The following FCGRT variants were observed in gnomAD, a reference collection of about 807,000 sequenced individuals.
FCGRT encodes the protein IgG receptor FcRn large subunit p51.
A neutral mutation model predicts 35.7 loss-of-function variants in FCGRT; 13 were observed. The ratio of observed to expected loss-of-function variants is 0.36; its 90% CI spans 0.24 to 0.58. The LOEUF (loss-of-function observed/expected upper bound fraction) is 0.58. Among genes scored for constraint, FCGRT ranks in the 20% least tolerant of loss-of-function variants. FCGRT has a pLI of 0.77. For synonymous variants in FCGRT, 233 were observed against 216.5 expected (o/e 1.08, Z -0.67); for missense variants, 455 against 474.9 (o/e 0.96, Z 0.39).
At position 49,525,578 on chromosome 19, in the gene FCGRT, G is replaced by C. The variant is rs753770315; in HGVS notation, c.988+5G>C. ...GGATGAGGAGTGGGCTGCCAGGTGG[G>C]GGGCAGCGGGAGGAAGAGCCTCTGA... On this transcript the variant is annotated splice_donor_5th_base_variant and intron_variant, in intron 6 of 6. Coordinates refer to ENST00000221466, the MANE Select transcript of FCGRT (RefSeq NM_001136019.3). 8.2e-6 allele frequency: 13 copies of C among 1,591,994 alleles called. No individual in the cohort carries two copies. In the South Asian group the frequency reaches 8.8e-5, roughly 11 times the overall value.
At chr19:49,514,716 G>T (rs1262505943) in intron 4 of FCGRT, among the ~76,000 whole-genome samples, 2 of 146,682 alleles carry the variant, frequency 1.4e-5, no homozygotes, top group African/African-American at 5.1e-5. Context: ...TTTGTGAGAC[G>T]GAGTTTCGCT....
Position 49,513,909 on chromosome 19 carries a change from T to C in FCGRT, c.101T>C (p.Leu34Pro). The change falls in exon 3 of 7, where the codon CTT becomes CCT. Residue 34 changes from leucine to proline, a missense_variant. Transcript: ENST00000221466. ...AESHLSLLYHLTAVSSPAPGT... is the reference protein window; with the variant it reads ...AESHLSLLYHPTAVSSPAPGT... ...AGCCACCTCTCCCTCCTGTACCACC[T>C]TACCGCGGTGTCCTCGCCTGCCCCG... The C allele has an allele frequency of 6.2e-7, 1 of 1,611,514 alleles. No individual in the cohort carries two copies. Among genetic ancestry groups the C allele is most frequent in the Non-Finnish European group, 8.5e-7 (1 of 1,178,526 alleles).
Position 49,525,449 on chromosome 19 carries a change from G to A in FCGRT, c.872-8G>A. On this transcript the variant is annotated splice_region_variant and splice_polypyrimidine_tract_variant and intron_variant, in intron 5 of 6. Transcript: ENST00000221466. ...TGCTCCACATCTCACAGCGTTCTCT[G>A]GCTGCAGAATCTCCAGCCAAGTCCT... The A allele has an allele frequency of 6.2e-7, 1 of 1,609,024 alleles. No homozygotes were observed. The highest frequency in any genetic ancestry group is 8.5e-7 in the Non-Finnish European group (1 of 1,175,704).
chr19:49,514,518 G>A (rs1162932644), intron 4 of FCGRT, 32 bp downstream of exon 4: 1 of 1,517,624 alleles, frequency 6.6e-7, no homozygotes, highest in Admixed American at 2.1e-5. Context: ...AGGCTGTTCT[G>A]TCCTCTCTCC....
rs199893057 is a variant in FCGRT at position 49,525,482 on chromosome 19, C to G, written c.897C>G (p.Leu299=). 1.0e-4 allele frequency: 168 copies of G among 1,613,652 alleles called. No individual in the cohort carries two copies. Among genetic ancestry groups the G allele is most frequent in the Non-Finnish European group, 1.4e-4 (165 of 1,179,854 alleles). Residue 299 remains leucine, a synonymous_variant, in exon 6 of 7, where the codon CTC becomes CTG. Transcript: ENST00000221466. ...AATCTCCAGCCAAGTCCTCCGTGCT[C>G]GTGGTGGGAATCGTCATCGGTGTCT... ...ELESPAKSSV[L]VVGIVIGVLL... is the part of the protein sequence containing the mutation.
intron 6 of FCGRT, 185 bp from the exon 7 acceptor site, chr19:49,525,825 G>A: frequency 1.5e-6 from 1 of 667,734 alleles, no homozygotes; most frequent in Non-Finnish European, 2.7e-6. Context: ...CAGACCCAGA[G>A]GAGGGAGGCA....
chr19:49,520,763 A>G (rs190200604), intron 4 of FCGRT: 2 of 152,390 alleles, frequency 1.3e-5, no homozygotes, highest in African/African-American at 4.8e-5. Context: ...CGACACAGGA[A>G]GATACAGATT....
rs762461071 is a variant in FCGRT, at chr19:49,524,565, C to T, written c.660C>T (p.Thr220=). 10 of 1,613,216 alleles carry T rather than the reference C, an allele frequency of 6.2e-6. No homozygotes were observed. Among genetic ancestry groups the T allele is most frequent in the Admixed American group, 1.7e-5 (1 of 60,016 alleles). The stretch of plus-strand genomic sequence containing the variant: ...GCAGCCCTGGCTTTTCCGTGCTTAC[C>T]TGCAGCGCCTTCTCCTTCTACCCTC... ...RPSSPGFSVL[T]CSAFSFYPPE... The change falls in exon 5 of 7, where the codon ACC becomes ACT. Residue 220 remains threonine, a synonymous_variant. Coordinates refer to ENST00000221466, the MANE Select transcript of FCGRT (RefSeq NM_001136019.3).
chr19:49,518,536 T>C (rs2080022024), intron 4 of FCGRT, among the ~76,000 whole-genome samples: 1 of 123,102 alleles, frequency 8.1e-6, no homozygotes, highest in Admixed American at 7.8e-5. Flanking sequence ...TAGCTATTTT[T>C]GTTTGTTTGT....
chr19:49,513,537 C>T, intron 2 of FCGRT, 64 bp downstream of exon 2: 2 of 1,007,726 alleles, frequency 2.0e-6, no homozygotes, highest in Non-Finnish European at 2.6e-6. Flanking sequence ...CCCAGGCAGG[C>T]AGGGGCGAAG....
chr19:49,513,387 G>A lies in FCGRT; in HGVS notation c.-14G>A. The A allele has an allele frequency of 8.8e-7, 1 of 1,136,300 alleles. No homozygotes were observed. The highest frequency in any genetic ancestry group is 4.9e-5 in the Admixed American group (1 of 20,230). The allele number at this position is 1,136,300 out of a possible 1,614,324, so 70.4% of individuals were successfully genotyped here. On this transcript the variant is annotated splice_region_variant and 5_prime_UTR_variant, in exon 2 of 7. Coordinates refer to ENST00000221466, the MANE Select transcript of FCGRT (RefSeq NM_001136019.3). ...AGTCACGTGCCCCCTCCCGCCCCAG[G>A]TCGTCCTCTCAGCATGGGGGTCCCG...
rs1350692360 is a variant in FCGRT, at chr19:49,524,770, G to A, written c.865G>A (p.Glu289Lys). 1 of 1,599,756 alleles carries A rather than the reference G, an allele frequency of 6.3e-7. No homozygotes were observed. Among genetic ancestry groups the A allele is most frequent in the East Asian group, 2.2e-5 (1 of 44,842 alleles). ...HAGLAQPLRV[E>K]LESPAKSSVL... ...GGGGCTGGCGCAGCCCCTCAGGGTG[G>A]AGCTGGGTGAGGTCCCGCCAGGTGG... is the stretch of plus-strand genomic sequence containing the variant. The change falls in exon 5 of 7, where the codon GAG becomes AAG. Residue 289 changes from glutamate (E) to lysine (K), a missense_variant. By Grantham distance (56) the Glu-to-Lys change is moderately conservative (BLOSUM62 1). Transcript: ENST00000221466.
At chr19:49,519,631 G>A (rs1296019319) in intron 4 of FCGRT, among the ~76,000 whole-genome samples, 1 of 152,038 alleles carries the variant, frequency 6.6e-6, no homozygotes, top group African/African-American at 2.4e-5. Flanking sequence ...CTAGAAGCTT[G>A]GTCAGATTCT....
chr19:49,524,936 C>T (rs1208473023), intron 5 of FCGRT, 160 bp downstream of exon 5: 9 of 769,382 alleles, frequency 1.2e-5, no homozygotes. Flanking sequence ...AACCTGATGG[C>T]TTGTCCTTCC....
In FCGRT at chr19:49,526,274, C is replaced by T. The variant is rs1430746001; in HGVS notation, c.*155C>T. ...CCGTCCTGTGGTCTGCCTCAGTTTCCCCTCCTAATACATATGGCTGTTTTC... is the reference window on the plus strand; with the variant it reads ...CCGTCCTGTGGTCTGCCTCAGTTTCTCCTCCTAATACATATGGCTGTTTTC... On this transcript the variant is annotated 3_prime_UTR_variant, in exon 7 of 7. Transcript: ENST00000221466. 1.6e-6 allele frequency: 1 copy of T among 615,402 alleles called. No individual in the cohort carries two copies. The highest frequency in any genetic ancestry group is 2.9e-6 in the Non-Finnish European group (1 of 344,826). The allele number at this position is 615,402 out of a possible 1,614,324, so 38.1% of individuals were successfully genotyped here. A position where few individuals can be genotyped will look rare whatever the true frequency, so the allele number is the denominator to read the frequency against.
At chr19:49,518,834 C>T (rs1271027537) in intron 4 of FCGRT, among the ~76,000 whole-genome samples, 4 of 151,840 alleles carry the variant, frequency 2.6e-5, no homozygotes, top group South Asian at 4.2e-4. Context: ...CGCGCTCGGC[C>T]GTATTTTTGT....
In FCGRT at chr19:49,514,203, C is replaced by T. The variant is rs775782740; in HGVS notation, c.326-8C>T. 19 of 1,607,488 alleles carry T rather than the reference C, an allele frequency of 1.2e-5. No individual in the cohort carries two copies. Among genetic ancestry groups the T allele is most frequent in the Middle Eastern group, 3.3e-4 (2 of 6,054 alleles). On this transcript the variant is annotated splice_region_variant and splice_polypyrimidine_tract_variant and intron_variant, in intron 3 of 6. Coordinates refer to ENST00000221466, the MANE Select transcript of FCGRT (RefSeq NM_001136019.3). ...GGGGCCCCGCTTACCTGTGTTTGGG[C>T]GCCCCAGGTCCCTACACTCTGCAGG...
intron 4 of FCGRT, among the ~76,000 whole-genome samples, chr19:49,523,588 T>C (rs1170493175): frequency 6.9e-6 from 1 of 144,834 alleles, no homozygotes; most frequent in African/African-American, 2.6e-5. Context: ...AGGCTAGGCG[T>C]GGTGGCTCAC....
chr19:49,517,671 A>C (rs1028617906), intron 4 of FCGRT, among the ~76,000 whole-genome samples: 1 of 152,010 alleles, frequency 6.6e-6, no homozygotes, highest in African/African-American at 2.4e-5. Flanking sequence ...GCTTTGGTAA[A>C]TCTCAGACAT....
Sources: gnomAD v4.1 joint callset for allele counts (sites outside exome capture counted in the v4.1 genomes callset) on GRCh38, gnomAD v4.1.1 for gene constraint, MANE v1.5 for transcripts, NCBI Gene and HGNC (gene_info 2026-07-23, HGNC 2026-07-21) for gene names.